DCC: variants seen among roughly 807,000 people sequenced by gnomAD.
DCC encodes DCC netrin 1 receptor.
In DCC, 58 loss-of-function variants were observed where a neutral mutation model predicts 172.5. The ratio of observed to expected loss-of-function variants is 0.34; its 90% CI spans 0.27 to 0.42. DCC has a LOEUF of 0.42. Ranked by LOEUF, DCC falls within the 10% of genes least tolerant of loss-of-function variation. The pLI, the probability that DCC is intolerant of heterozygous loss-of-function variation, is 1.00. For synonymous variants in DCC, 709 were observed against 644.5 expected (o/e 1.10, Z -1.52); for missense variants, 1,740 against 1,791.0 (o/e 0.97, Z 0.51).
intron 12 of DCC, among the ~76,000 whole-genome samples, chr18:53,266,640 A>G (rs1448530646): frequency 6.6e-6 from 1 of 152,070 alleles, no homozygotes; most frequent in African/African-American, 2.4e-5. Flanking sequence ...AACCATCACC[A>G]CAATCTGATT....
intron 9 of DCC, among the ~76,000 whole-genome samples, chr18:53,201,352 G>A (rs948532653): frequency 1.3e-5 from 2 of 152,124 alleles, no homozygotes; most frequent in African/African-American, 4.8e-5. Flanking sequence ...CACATTCAAT[G>A]AGTACTTTAC....
At chr18:53,202,265 A>C (rs1598901083) in intron 9 of DCC, among the ~76,000 whole-genome samples, 1 of 152,324 alleles carries the variant, frequency 6.6e-6, no homozygotes, top group East Asian at 1.9e-4. Context: ...GTACTCCAAT[A>C]AACAATGGGG....
intron 1 of DCC, among the ~76,000 whole-genome samples, chr18:52,666,502 G>A (rs2035461269): frequency 6.6e-6 from 1 of 152,106 alleles, no homozygotes. Context: ...ATTTGGAGTG[G>A]AGCAAAGCAG....
chr18:53,049,388 C>A (rs985646643), intron 5 of DCC, among the ~76,000 whole-genome samples: 1 of 152,062 alleles, frequency 6.6e-6, no homozygotes, highest in Non-Finnish European at 1.5e-5. Flanking sequence ...GGTCCAGTTT[C>A]AATCTTCTGC....
chr18:53,179,927 G>A (rs1241634350), intron 9 of DCC, among the ~76,000 whole-genome samples: 1 of 152,130 alleles, frequency 6.6e-6, no homozygotes, highest in African/African-American at 2.4e-5. Context: ...TTAACAAGCT[G>A]CCTTATGTTA....
intron 22 of DCC, among the ~76,000 whole-genome samples, chr18:53,435,567 G>C (rs554878153): frequency 6.6e-6 from 1 of 152,182 alleles, no homozygotes; most frequent in African/African-American, 2.4e-5. Flanking sequence ...AATTTTATTT[G>C]AGAGAGGTGA....
chr18:53,382,855 A>G (rs527585314), intron 15 of DCC, among the ~76,000 whole-genome samples: 1 of 152,212 alleles, frequency 6.6e-6, no homozygotes, highest in South Asian at 2.1e-4. Flanking sequence ...TGTGGTTTAG[A>G]GTCTCAATAT....
intron 13 of DCC, among the ~76,000 whole-genome samples, chr18:53,320,266 G>T (rs1054389386): frequency 2.0e-5 from 3 of 151,858 alleles, no homozygotes; most frequent in Non-Finnish European, 4.4e-5. Context: ...TAGAGACGGG[G>T]TTCCACCGTG....
chr18:53,276,221 C>CA (rs1163589280), intron 12 of DCC, among the ~76,000 whole-genome samples: 3 of 152,094 alleles, frequency 2.0e-5, no homozygotes, highest in Admixed American at 2.0e-4. Flanking sequence ...TAGCTTCACT[C>CA]AACTGGGGTT....
intron 7 of DCC, among the ~76,000 whole-genome samples, chr18:53,155,096 CTT>C (rs111610643): frequency 9.0e-5 from 13 of 144,196 alleles, no homozygotes; most frequent in African/African-American, 2.8e-4. Flanking sequence ...ACTTTGAATA[CTT>C]TTTTTTTTTT....
In DCC at chr18:52,639,110, G is replaced by T. The variant is rs376358558; in HGVS notation, c.92-112944G>T. Reference sequence around the variant, plus strand: ...TGGAAATTTAAAAATTCTTTGAACTGAATGACAGTAATGACACAACCTACC... The same window carrying T: ...TGGAAATTTAAAAATTCTTTGAACTTAATGACAGTAATGACACAACCTACC... On this transcript the variant is annotated intron_variant, in intron 1 of 28. Coordinates refer to ENST00000442544, the MANE Select transcript of DCC (RefSeq NM_005215.4). 1.6e-4 allele frequency among the ~76,000 whole-genome samples: 25 copies of T among 152,200 alleles called. No homozygotes were observed. The South Asian group carries it at 5.2e-3, about 32-fold the overall frequency.
At chr18:53,309,962 GTGTA>G (rs1277406080) in intron 13 of DCC, among the ~76,000 whole-genome samples, 6 of 133,308 alleles carry the variant, frequency 4.5e-5, no homozygotes, top group Non-Finnish European at 1.6e-5. Context: ...ATATACGTGT[GTGTA>G]TATATATATA....
At chr18:52,623,155 G>A (rs923270512) in intron 1 of DCC, among the ~76,000 whole-genome samples, 1 of 152,148 alleles carries the variant, frequency 6.6e-6, no homozygotes, top group Non-Finnish European at 1.5e-5. Context: ...GAGTTGAGTA[G>A]TTGCAACCAA....
chr18:52,502,517 T>C (rs2031063182), intron 1 of DCC, among the ~76,000 whole-genome samples: 1 of 152,176 alleles, frequency 6.6e-6, no homozygotes, highest in African/African-American at 2.4e-5. Context: ...GACTCTATTT[T>C]AGATTTTCTG....
intron 12 of DCC, among the ~76,000 whole-genome samples, chr18:53,242,135 C>G (rs1445286640): frequency 6.6e-6 from 1 of 152,064 alleles, no homozygotes; most frequent in Non-Finnish European, 1.5e-5. Context: ...AAAGAACAAA[C>G]AGGAAGACTG....
At chr18:53,053,353 T>G (rs917892706) in intron 5 of DCC, among the ~76,000 whole-genome samples, 2 of 152,142 alleles carry the variant, frequency 1.3e-5, no homozygotes, top group Non-Finnish European at 2.9e-5. Flanking sequence ...ACACTTGTTT[T>G]GATTTTGTTG....
At chr18:52,449,821 C>T (rs181307877) in intron 1 of DCC, among the ~76,000 whole-genome samples, 96 of 152,220 alleles carry the variant, frequency 6.3e-4, no homozygotes, top group African/African-American at 2.2e-3. Flanking sequence ...GGGCAGTTCC[C>T]CTGCACATGC....
intron 1 of DCC, among the ~76,000 whole-genome samples, chr18:52,643,370 C>G (rs1377179087): frequency 6.6e-6 from 1 of 152,106 alleles, no homozygotes; most frequent in African/African-American, 2.4e-5. Context: ...TACATTCTCC[C>G]TGGTTCTTTG....
chr18:52,436,648 C>T (rs1204511810), intron 1 of DCC, among the ~76,000 whole-genome samples: 1 of 152,204 alleles, frequency 6.6e-6, no homozygotes. Context: ...TGGCTCACAC[C>T]TGTAATTCCA....
Sources: allele counts gnomAD v4.1 joint callset (sites outside exome capture counted in the v4.1 genomes callset), GRCh38; gene constraint gnomAD v4.1.1; transcripts MANE v1.5; gene names NCBI Gene and HGNC (gene_info 2026-07-23, HGNC 2026-07-21).